PLXDC2: variants seen among roughly 807,000 people sequenced by gnomAD.
The protein encoded by PLXDC2 is plexin domain containing 2.
A neutral mutation model predicts 68.9 loss-of-function variants in PLXDC2; 40 were observed. That is an observed-to-expected ratio of 0.58 (90% CI 0.45 to 0.76). The LOEUF (loss-of-function observed/expected upper bound fraction) is 0.76. Among genes scored for constraint, PLXDC2 ranks in the 30% least tolerant of loss-of-function variants. The probability of loss-of-function intolerance (pLI) is 0.00; values close to 1 mark genes in which losing one functional copy is unlikely to be tolerated. For synonymous variants in PLXDC2, 243 were observed against 234.2 expected (o/e 1.04, Z -0.34); for missense variants, 644 against 661.9 (o/e 0.97, Z 0.30).
At chr10:20,066,078 T>C (rs994597743) in intron 3 of PLXDC2, among the ~76,000 whole-genome samples, 43 of 152,216 alleles carry the variant, frequency 2.8e-4, no homozygotes, top group Non-Finnish European at 1.5e-5. Context: ...CACAACTGTT[T>C]AGCAGACAGT....
intron 1 of PLXDC2, among the ~76,000 whole-genome samples, chr10:19,940,036 A>C (rs1358605742): frequency 6.6e-6 from 1 of 151,856 alleles, no homozygotes; most frequent in Non-Finnish European, 1.5e-5. Context: ...GCTTGAATAA[A>C]TTCAAATTTT....
intron 2 of PLXDC2, among the ~76,000 whole-genome samples, chr10:20,006,586 C>A (rs922040562): frequency 6.6e-6 from 1 of 152,048 alleles, no homozygotes; most frequent in African/African-American, 2.4e-5. Context: ...AATAAAACAA[C>A]AACAACAACA....
chr10:20,091,995 T>G (rs1833283334), intron 4 of PLXDC2, among the ~76,000 whole-genome samples: 1 of 152,220 alleles, frequency 6.6e-6, no homozygotes, highest in South Asian at 2.1e-4. Flanking sequence ...ACTGGATAAA[T>G]ACATGAGTGA....
At chr10:20,229,792 A>G (rs1052880934) in intron 12 of PLXDC2, among the ~76,000 whole-genome samples, 21 of 152,226 alleles carry the variant, frequency 1.4e-4, no homozygotes, top group African/African-American at 4.8e-4. Flanking sequence ...ATTATCTGAA[A>G]CTAATTTGTA....
chr10:20,257,997 C>CTTTTT (rs550997528), intron 13 of PLXDC2, among the ~76,000 whole-genome samples: 213 of 84,306 alleles, frequency 2.5e-3, no homozygotes, highest in South Asian at 3.9e-3. Context: ...TTTTTTCTTT[C>CTTTTT]TTTTTTTTTT....
At chr10:20,219,511 G>A (rs1464117881) in intron 12 of PLXDC2, among the ~76,000 whole-genome samples, 1 of 152,046 alleles carries the variant, frequency 6.6e-6, no homozygotes, top group Non-Finnish European at 1.5e-5. Context: ...AAAATATATT[G>A]TCCTAGGTCT....
intron 12 of PLXDC2, among the ~76,000 whole-genome samples, chr10:20,237,142 C>G (rs947027968): frequency 3.3e-5 from 5 of 152,056 alleles, no homozygotes; most frequent in African/African-American, 1.2e-4. Flanking sequence ...ATTGGTCTCA[C>G]CATACATAAT....
intron 1 of PLXDC2, among the ~76,000 whole-genome samples, chr10:19,837,927 C>G (rs905797653): frequency 6.6e-6 from 1 of 152,230 alleles, no homozygotes; most frequent in Non-Finnish European, 1.5e-5. Flanking sequence ...AAACCATTTC[C>G]TCTGTCCATT....
chr10:19,844,407 T>A (rs1240626673), intron 1 of PLXDC2, among the ~76,000 whole-genome samples: 1 of 152,098 alleles, frequency 6.6e-6, no homozygotes, highest in Non-Finnish European at 1.5e-5. Flanking sequence ...TGTGCCTGAA[T>A]GGGTAGAAAT....
chr10:19,951,637 C>G (rs969322525), intron 1 of PLXDC2, among the ~76,000 whole-genome samples: 1 of 152,174 alleles, frequency 6.6e-6, no homozygotes, highest in African/African-American at 2.4e-5. Context: ...ACCCAGCAAT[C>G]CCATTACTGG....
chr10:19,855,838 C>A (rs184465441), intron 1 of PLXDC2, among the ~76,000 whole-genome samples: 2 of 152,304 alleles, frequency 1.3e-5, no homozygotes, highest in East Asian at 1.9e-4. Context: ...GTAATCCCAG[C>A]ACTTTGGGAG....
At chr10:20,007,141 T>C (rs767101058) in intron 2 of PLXDC2, among the ~76,000 whole-genome samples, 1 of 152,214 alleles carries the variant, frequency 6.6e-6, no homozygotes, top group Non-Finnish European at 1.5e-5. Flanking sequence ...CAGCCTTCAC[T>C]GAATTCCACA....
intron 2 of PLXDC2, among the ~76,000 whole-genome samples, chr10:20,011,085 A>G (rs1429163837): frequency 6.6e-6 from 1 of 152,218 alleles, no homozygotes; most frequent in Non-Finnish European, 1.5e-5. Flanking sequence ...CCAATGTCAT[A>G]GGTCTAAATA....
At chr10:19,906,978 A>C (rs1833175984) in intron 1 of PLXDC2, among the ~76,000 whole-genome samples, 1 of 151,880 alleles carries the variant, frequency 6.6e-6, no homozygotes, top group Admixed American at 6.6e-5. Context: ...GGGTTCTGAT[A>C]TTTTCTTTTC....
intron 13 of PLXDC2, among the ~76,000 whole-genome samples, chr10:20,268,748 G>A (rs1387524673): frequency 6.6e-6 from 1 of 152,170 alleles, no homozygotes; most frequent in Non-Finnish European, 1.5e-5. Flanking sequence ...GTCTGTTGTA[G>A]GGAGGCAGCA....
intron 1 of PLXDC2, among the ~76,000 whole-genome samples, chr10:19,958,157 C>T (rs371027133): frequency 6.6e-6 from 1 of 151,850 alleles, no homozygotes; most frequent in Non-Finnish European, 1.5e-5. Context: ...TGGTGTTTCA[C>T]GTAGAGAAGA....
At chr10:19,864,981 C>T (rs11011650) in intron 1 of PLXDC2, among the ~76,000 whole-genome samples, 22,357 of 152,124 alleles carry the variant, frequency 0.15, 1,896 homozygotes, top group South Asian at 0.23. Flanking sequence ...TGAACTTCAT[C>T]AGTGTTCACA....
intron 1 of PLXDC2, among the ~76,000 whole-genome samples, chr10:19,959,180 T>C (rs1456261294): frequency 6.6e-6 from 1 of 152,192 alleles, no homozygotes; most frequent in Non-Finnish European, 1.5e-5. Flanking sequence ...ATCCCTTCCA[T>C]AAAAATCCCA....
chr10:19,940,417 A>G (rs1019867328), intron 1 of PLXDC2, among the ~76,000 whole-genome samples: 4 of 152,170 alleles, frequency 2.6e-5, no homozygotes, highest in Non-Finnish European at 4.4e-5. Flanking sequence ...GCTACAATTA[A>G]TTGAAGAGTA....
Sources: gnomAD v4.1 joint callset for allele counts (sites outside exome capture counted in the v4.1 genomes callset) on GRCh38, gnomAD v4.1.1 for gene constraint, MANE v1.5 for transcripts, NCBI Gene and HGNC (gene_info 2026-07-23, HGNC 2026-07-21) for gene names.